The following GRM7 variants were observed in gnomAD, a reference collection of about 807,000 sequenced individuals.
The protein encoded by GRM7 is glutamate metabotropic receptor 7.
In GRM7, 35 loss-of-function variants were observed where a neutral mutation model predicts 84.5. The observed-to-expected ratio is 0.41, with a 90% CI of 0.32 to 0.55. The LOEUF (loss-of-function observed/expected upper bound fraction) is 0.55, where lower values mean the gene tolerates loss of function less well. Among genes scored for constraint, GRM7 ranks in the 20% least tolerant of loss-of-function variants. GRM7 has a pLI of 0.19. For synonymous variants in GRM7, 487 were observed against 455.1 expected (o/e 1.07, Z -0.89); for missense variants, 1,003 against 1,194.6 (o/e 0.84, Z 2.36).
intron 1 of GRM7, among the ~76,000 whole-genome samples, chr3:6,870,492 T>C (rs181575790): frequency 6.6e-6 from 1 of 152,256 alleles, no homozygotes; most frequent in Non-Finnish European, 1.5e-5. Context: ...CGGGGCTAGT[T>C]CATGCAAGGC....
At chr3:7,658,380 A>G (rs2125120947) in intron 8 of GRM7, among the ~76,000 whole-genome samples, 1 of 152,346 alleles carries the variant, frequency 6.6e-6, no homozygotes, top group South Asian at 2.1e-4. Context: ...TTTTGGGAAA[A>G]TGAAAATTGG....
At chr3:7,350,386 G>C (rs948074248) in intron 4 of GRM7, among the ~76,000 whole-genome samples, 4 of 151,978 alleles carry the variant, frequency 2.6e-5, no homozygotes, top group African/African-American at 9.7e-5. Context: ...CATAGTGATA[G>C]TGAGTTCTTG....
chr3:6,957,055 C>A (rs554346404), intron 1 of GRM7, among the ~76,000 whole-genome samples: 1 of 152,236 alleles, frequency 6.6e-6, no homozygotes, highest in African/African-American at 2.4e-5. Context: ...ATAATTTTCC[C>A]ACTAGAATTT....
At chr3:7,670,494 A>T (rs891499461) in intron 8 of GRM7, among the ~76,000 whole-genome samples, 1 of 152,198 alleles carries the variant, frequency 6.6e-6, no homozygotes, top group African/African-American at 2.4e-5. Context: ...CTTGTCGATG[A>T]CACTGTTGGA....
chr3:7,271,472 T>C (rs1575106345), intron 2 of GRM7, among the ~76,000 whole-genome samples: 1 of 146,270 alleles, frequency 6.8e-6, no homozygotes, highest in Non-Finnish European at 1.5e-5. Context: ...GGCAGGAGAA[T>C]GGCGTGAACC....
At chr3:7,215,516 T>G (rs930786007) in intron 2 of GRM7, among the ~76,000 whole-genome samples, 1 of 151,722 alleles carries the variant, frequency 6.6e-6, no homozygotes, top group African/African-American at 2.4e-5. Context: ...TACAAAAAAA[T>G]TAGCCAGGCG....
At chr3:7,217,405 T>C (rs1300741868) in intron 2 of GRM7, among the ~76,000 whole-genome samples, 1 of 152,158 alleles carries the variant, frequency 6.6e-6, no homozygotes, top group African/African-American at 2.4e-5. Context: ...TCCATTCTGG[T>C]TCAGAGTCTC....
At chr3:7,265,655 G>T (rs1698608677) in intron 2 of GRM7, among the ~76,000 whole-genome samples, 1 of 152,196 alleles carries the variant, frequency 6.6e-6, no homozygotes, top group African/African-American at 2.4e-5. Context: ...GTCTGGTGCT[G>T]TGCAGAATGA....
intron 4 of GRM7, among the ~76,000 whole-genome samples, chr3:7,338,115 TACACACACACAC>T (rs141499269): frequency 8.2e-5 from 12 of 146,868 alleles, no homozygotes; most frequent in African/African-American, 2.8e-4. Flanking sequence ...TATATTTATG[TACACACACACAC>T]ACACACACAC....
Position 7,294,752 on chromosome 3 carries a change from C to A in GRM7, c.737-3932C>A, listed in dbSNP as rs147700594. On this transcript the variant is annotated intron_variant, in intron 2 of 9. Transcript: ENST00000357716. ...ATCAGCATCACCTGGGAACCTGTTC[C>A]AATTACAAATTCACAGGCTTTACAC... Among the ~76,000 whole-genome samples the A allele has an allele frequency of 9.8e-4, 149 of 152,186 alleles. 1 individual carries two copies. The highest frequency in any genetic ancestry group is 3.4e-3 in the African/African-American group (142 of 41,522).
chr3:7,564,252 A>T (rs1694157642), intron 7 of GRM7, among the ~76,000 whole-genome samples: 1 of 152,226 alleles, frequency 6.6e-6, no homozygotes, highest in Admixed American at 6.5e-5. Flanking sequence ...AAGTTTTACC[A>T]TGTGTCAGAC....
intron 9 of GRM7, among the ~76,000 whole-genome samples, chr3:7,715,301 A>C (rs138843479): frequency 6.6e-6 from 1 of 152,228 alleles, no homozygotes; most frequent in African/African-American, 2.4e-5. Context: ...CTCTACAAAA[A>C]TAAAAAATAA....
intron 1 of GRM7, among the ~76,000 whole-genome samples, chr3:6,949,434 C>T (rs1217481343): frequency 6.6e-6 from 1 of 152,142 alleles, no homozygotes; most frequent in Non-Finnish European, 1.5e-5. Flanking sequence ...TGCTGTTAGT[C>T]TGATGGGCTT....
At chr3:7,022,364 CAT>C (rs1695809764) in intron 1 of GRM7, among the ~76,000 whole-genome samples, 1 of 128,528 alleles carries the variant, frequency 7.8e-6, no homozygotes, top group African/African-American at 3.2e-5. Context: ...TATACACACA[CAT>C]GCACACACAC....
At chr3:7,307,386 T>A (rs1700230741) in intron 4 of GRM7, among the ~76,000 whole-genome samples, 1 of 152,202 alleles carries the variant, frequency 6.6e-6, no homozygotes, top group African/African-American at 2.4e-5. Context: ...ATAGCCTGCT[T>A]TGTGTTCCTT....
intron 9 of GRM7, among the ~76,000 whole-genome samples, chr3:7,732,512 G>A (rs1702366535): frequency 6.6e-6 from 1 of 152,060 alleles, no homozygotes; most frequent in Non-Finnish European, 1.5e-5. Flanking sequence ...ACCAACCAGA[G>A]CAAAGAACAG....
intron 3 of GRM7, 115 bp downstream of exon 3, chr3:7,298,940 C>T: frequency 5.2e-6 from 5 of 954,796 alleles, no homozygotes; most frequent in Non-Finnish European, 8.1e-6. Flanking sequence ...TGTAATCATA[C>T]AGCGGCGAAG....
intron 1 of GRM7, among the ~76,000 whole-genome samples, chr3:7,013,344 A>G (rs1695451220): frequency 1.3e-5 from 2 of 151,946 alleles, no homozygotes; most frequent in South Asian, 4.2e-4. Flanking sequence ...CAGCTTCAAA[A>G]CTTGTTAACT....
chr3:6,866,280 A>G (rs1007616673), intron 1 of GRM7, among the ~76,000 whole-genome samples: 3 of 151,734 alleles, frequency 2.0e-5, no homozygotes, highest in African/African-American at 7.3e-5. Flanking sequence ...CCTGCCATTA[A>G]CTGGCTAAGT....
Sources: gnomAD v4.1 joint callset for allele counts (sites outside exome capture counted in the v4.1 genomes callset) on GRCh38, gnomAD v4.1.1 for gene constraint, MANE v1.5 for transcripts, NCBI Gene and HGNC (gene_info 2026-07-23, HGNC 2026-07-21) for gene names.